OXR1: variants seen among roughly 807,000 people sequenced by gnomAD.
OXR1 encodes the protein oxidation resistance protein 1.
OXR1 carries 41 observed loss-of-function variants against 104.6 expected under a neutral mutation model. The ratio of observed to expected loss-of-function variants is 0.39; its 90% CI spans 0.31 to 0.51. The LOEUF (loss-of-function observed/expected upper bound fraction) is 0.51. Among genes scored for constraint, OXR1 ranks in the 20% least tolerant of loss-of-function variants. The pLI is 0.77. For synonymous variants in OXR1, 348 were observed against 348.4 expected (o/e 1.00, Z 0.01); for missense variants, 955 against 1,031.9 (o/e 0.93, Z 1.02).
chr8:106,709,056 A>C (rs1831439214), intron 9 of OXR1, among the ~76,000 whole-genome samples: 1 of 151,454 alleles, frequency 6.6e-6, no homozygotes, highest in Admixed American at 6.6e-5. Flanking sequence ...CTTCTGTAAT[A>C]TTTTTTTAAT....
chr8:106,676,063 T>C (rs537243894), intron 3 of OXR1, among the ~76,000 whole-genome samples: 10 of 152,340 alleles, frequency 6.6e-5, no homozygotes, highest in Non-Finnish European at 1.2e-4. Context: ...TTTTTTGATC[T>C]TTGTTGGTTT....
chr8:106,729,220 C>G (rs1833633269), intron 11 of OXR1, among the ~76,000 whole-genome samples: 1 of 152,048 alleles, frequency 6.6e-6, no homozygotes, highest in African/African-American at 2.4e-5. Context: ...AAAACAGGGA[C>G]ATAGCAATCA....
chr8:106,279,777 T>G (rs1418296834), intron 1 of OXR1, among the ~76,000 whole-genome samples: 1 of 152,214 alleles, frequency 6.6e-6, no homozygotes, highest in Admixed American at 6.5e-5. Context: ...ATGTTGTAAC[T>G]TATCAGAGTT....
At chr8:106,439,373 G>A (rs1819696779) in intron 2 of OXR1, among the ~76,000 whole-genome samples, 1 of 151,968 alleles carries the variant, frequency 6.6e-6, no homozygotes, top group Non-Finnish European at 1.5e-5. Flanking sequence ...GTTACACTCT[G>A]ATCCCAGATT....
At chr8:106,540,576 G>T (rs976152845) in intron 3 of OXR1, among the ~76,000 whole-genome samples, 2 of 151,972 alleles carry the variant, frequency 1.3e-5, no homozygotes, top group African/African-American at 2.4e-5. Context: ...CCCTCAATTA[G>T]CATTATAAAA....
rs1363046373 is a variant in OXR1 at position 106,751,418 on chromosome 8, G to GA, written c.*483dup. Reference sequence around the variant, plus strand: ...ACATGTTCATCTTATTCTTAGGAAGGAAAAAATCACTTGCCAAAATAATAC... The same window carrying GA: ...ACATGTTCATCTTATTCTTAGGAAGGAAAAAAATCACTTGCCAAAATAATAC... On this transcript the variant is annotated 3_prime_UTR_variant, in exon 17 of 17. Transcript: ENST00000517566. The GA allele has an allele frequency of 1.3e-5, 2 of 152,570 alleles. No homozygotes were observed. Among genetic ancestry groups the GA allele is most frequent in the Admixed American group, 6.5e-5 (1 of 15,274 alleles). 9.5% of individuals were successfully genotyped at this position (152,570 alleles called of 1,614,324 possible). A position where few individuals can be genotyped will look rare whatever the true frequency, so the allele number is the denominator to read the frequency against.
In OXR1 at chr8:106,706,637, T is replaced by C. The variant is rs1831171099; in HGVS notation, c.1116T>C (p.Thr372=). 1 of 1,613,452 alleles carries C rather than the reference T, an allele frequency of 6.2e-7. No individual in the cohort carries two copies. The highest frequency in any genetic ancestry group is 8.5e-7 in the Non-Finnish European group (1 of 1,179,884). Residue 372 remains threonine (T), a synonymous_variant, in exon 9 of 17, where the codon ACT becomes ACC. Coordinates refer to ENST00000517566, the MANE Select transcript of OXR1 (RefSeq NM_001198533.2). ...SSGASSESVQ[T]VNQAEVESLT... is the part of the protein sequence containing the mutation. Reference sequence around the variant, plus strand: ...GTGCGTCATCAGAATCTGTGCAAACTGTCAATCAGGCTGAAGTAGAAAGTC... The same window carrying C: ...GTGCGTCATCAGAATCTGTGCAAACCGTCAATCAGGCTGAAGTAGAAAGTC...
intron 1 of OXR1, among the ~76,000 whole-genome samples, chr8:106,340,716 A>T (rs2130265329): frequency 6.6e-6 from 1 of 152,284 alleles, no homozygotes; most frequent in African/African-American, 2.4e-5. Context: ...GGCACTTAGA[A>T]CAGTGCCTCT....
chr8:106,707,931 T>C (rs1446044552), intron 9 of OXR1, among the ~76,000 whole-genome samples: 5 of 152,200 alleles, frequency 3.3e-5, no homozygotes, highest in Non-Finnish European at 7.3e-5. Flanking sequence ...AAATTTACCA[T>C]TTAACTTTTT....
At chr8:106,402,345 C>G (rs1414788422) in intron 2 of OXR1, among the ~76,000 whole-genome samples, 3 of 152,210 alleles carry the variant, frequency 2.0e-5, no homozygotes, top group Non-Finnish European at 4.4e-5. Context: ...TAGGTACAGA[C>G]AGTTCTAGTG....
chr8:106,666,369 A>G (rs936949615), intron 3 of OXR1, among the ~76,000 whole-genome samples: 1 of 152,214 alleles, frequency 6.6e-6, no homozygotes, highest in Non-Finnish European at 1.5e-5. Context: ...AGCTAATGCA[A>G]ATGAGGAACT....
chr8:106,425,041 C>T (rs1000233317), intron 2 of OXR1, among the ~76,000 whole-genome samples: 1 of 146,588 alleles, frequency 6.8e-6, no homozygotes, highest in Admixed American at 6.8e-5. Context: ...CTAAATTTCA[C>T]TCTAATTTGT....
intron 3 of OXR1, among the ~76,000 whole-genome samples, chr8:106,535,285 A>G (rs1814425171): frequency 6.6e-6 from 1 of 152,156 alleles, no homozygotes; most frequent in Admixed American, 6.5e-5. Flanking sequence ...AGGCGATGCA[A>G]TGAAGGTAGA....
intron 2 of OXR1, among the ~76,000 whole-genome samples, chr8:106,446,807 C>T (rs1820029126): frequency 6.6e-6 from 1 of 152,042 alleles, no homozygotes. Context: ...TGGTATGTGT[C>T]TGTACTCTCA....
intron 1 of OXR1, among the ~76,000 whole-genome samples, chr8:106,358,825 T>A (rs376076090): frequency 1.3e-5 from 2 of 151,614 alleles, no homozygotes; most frequent in Non-Finnish European, 3.0e-5. Context: ...AGTGGAATAA[T>A]TTAATTCACT....
rs536479467 is a variant in OXR1 at position 106,489,730 on chromosome 8, G to A, written c.24-29213G>A. Among the ~76,000 whole-genome samples the A allele has an allele frequency of 9.2e-5, 14 of 152,012 alleles. No individual in the cohort carries two copies. In the East Asian group the frequency reaches 1.7e-3, roughly 19 times the overall value. ...TGAAATAGTCTTCTGTACTTATCAT[G>A]TTTAGTTTTATGAAAAATACTTGCA... On this transcript the variant is annotated intron_variant, in intron 2 of 16. Coordinates refer to ENST00000517566, the MANE Select transcript of OXR1 (RefSeq NM_001198533.2).
chr8:106,575,709 A>T (rs1282022511), intron 3 of OXR1, among the ~76,000 whole-genome samples: 2 of 151,894 alleles, frequency 1.3e-5, no homozygotes, highest in Non-Finnish European at 2.9e-5. Flanking sequence ...TAAAAAAAAA[A>T]AAAAAGAGAA....
intron 3 of OXR1, among the ~76,000 whole-genome samples, chr8:106,550,444 T>C (rs1342888976): frequency 2.0e-5 from 3 of 152,150 alleles, no homozygotes; most frequent in Admixed American, 6.5e-5. Flanking sequence ...TCATTTGGAT[T>C]TCACCTATGG....
rs187805833 is a variant in OXR1, at chr8:106,392,068, A to C, written c.23+32432A>C. ...TTGAAAGAACCAGGTGATGAGCATG[A>C]ACCTATGTGCATCTGTGGTCAATCG... On this transcript the variant is annotated intron_variant, in intron 2 of 16. Coordinates refer to ENST00000517566, the MANE Select transcript of OXR1 (RefSeq NM_001198533.2). 2.2e-3 allele frequency among the ~76,000 whole-genome samples: 328 copies of C among 152,312 alleles called. 1 individual carries two copies. Among genetic ancestry groups the C allele is most frequent in the South Asian group, 3.3e-3 (16 of 4,826 alleles).
Sources: gnomAD v4.1 joint callset for allele counts (sites outside exome capture counted in the v4.1 genomes callset) on GRCh38, gnomAD v4.1.1 for gene constraint, MANE v1.5 for transcripts, NCBI Gene and HGNC (gene_info 2026-07-23, HGNC 2026-07-21) for gene names.